Variants in DIXDC1 observed in about 807,000 individuals in gnomAD.
DIXDC1 encodes dixin.
DIXDC1 carries 64 observed loss-of-function variants against 103.1 expected under a neutral mutation model. That is an observed-to-expected ratio of 0.62 (90% CI 0.51 to 0.76). The LOEUF (loss-of-function observed/expected upper bound fraction) is 0.76, where lower values mean the gene tolerates loss of function less well. Ranked by LOEUF, DIXDC1 falls within the 30% of genes least tolerant of loss-of-function variation. DIXDC1 has a pLI of 0.00. For synonymous variants in DIXDC1, 266 were observed against 298.5 expected, an observed-to-expected ratio of 0.89 and a Z score of 1.12; for missense variants, 759 against 834.2, an observed-to-expected ratio of 0.91 and a Z score of 1.11.
rs975148996 is a variant in DIXDC1, at chr11:112,009,640, C to G, written c.1757-7051C>G. The stretch of plus-strand genomic sequence containing the variant: ...TCAAGTCAGCTTCATCCCTGGGATG[C>G]AAGGCTGGTTCAACATACTCAAATC... On this transcript the variant is annotated intron_variant, in intron 17 of 19. Transcript: ENST00000440460. 8.5e-5 allele frequency among the ~76,000 whole-genome samples: 13 copies of G among 152,296 alleles called. No individual in the cohort carries two copies. In the Middle Eastern group the frequency reaches 0.01, roughly 120 times the overall value.
In DIXDC1 at chr11:112,017,498, C is replaced by T. The variant is rs1861630063; in HGVS notation, c.1863-279C>T. On this transcript the variant is annotated intron_variant, in intron 18 of 19. Transcript: ENST00000440460. This position sits in a 1 kb window ranked among gnomAD's most constrained non-coding sequence, Gnocchi z 4.0. ...TATTCAACAAATTTTATTTCAGGGACTTTATATCTTATTTCCAGAGAAAAG... is the reference window on the plus strand; with the variant it reads ...TATTCAACAAATTTTATTTCAGGGATTTTATATCTTATTTCCAGAGAAAAG... 4.4e-6 allele frequency: 1 copy of T among 225,326 alleles called. No individual in the cohort carries two copies. The highest frequency in any genetic ancestry group is 8.8e-6 in the Non-Finnish European group (1 of 114,200). The allele number at this position is 225,326 out of a possible 1,614,324, so 14.0% of individuals were successfully genotyped here.
At chr11:111,989,836 T>C (rs1362349904) in intron 10 of DIXDC1, among the ~76,000 whole-genome samples, 1 of 150,896 alleles carries the variant, frequency 6.6e-6, no homozygotes, top group Non-Finnish European at 1.5e-5. Context: ...TTGCCCAGGC[T>C]GGAGTGCAGT....
chr11:111,958,291 G>A lies in DIXDC1; in HGVS notation c.61-6258G>A, dbSNP rs1295102610. ...GCAGGCAGGAGCCCCAACCCCTCAG[G>A]TATAGCTGCAGCTGCAGCTGCCCAA... On this transcript the variant is annotated intron_variant, in intron 1 of 19. Coordinates refer to ENST00000440460, the MANE Select transcript of DIXDC1 (RefSeq NM_001037954.4). The surrounding 1 kb of genome is among the most constrained non-coding windows in gnomAD (Gnocchi z 4.2). Among the ~76,000 whole-genome samples the A allele has an allele frequency of 6.6e-6, 1 of 151,920 alleles. No individual in the cohort carries two copies. The highest frequency in any genetic ancestry group is 1.5e-5 in the Non-Finnish European group (1 of 67,920).
chr11:111,964,549 C>A lies in DIXDC1; in HGVS notation c.61C>A (p.Gln21Lys), dbSNP rs782586280. The A allele has an allele frequency of 5.1e-5, 82 of 1,596,036 alleles. No homozygotes were observed. The highest frequency in any genetic ancestry group is 6.8e-5 in the Non-Finnish European group (80 of 1,170,828). The change falls in exon 2 of 20, where the codon CAA (glutamine) becomes AAA (lysine). Residue 21 changes from glutamine (Q) to lysine (K), a missense_variant and splice_region_variant. By Grantham distance (53) the Gln-to-Lys change is moderately conservative. Coordinates refer to ENST00000440460, the MANE Select transcript of DIXDC1 (RefSeq NM_001037954.4). ...LDVLQEGFNE[Q>K]QLQAYVAWVN... Reference sequence around the variant, plus strand: ...CTTACTTATATCTTTTATTTTCCAGCAACAGCTGCAGGCCTATGTGGCCTG... The same window carrying A: ...CTTACTTATATCTTTTATTTTCCAGAAACAGCTGCAGGCCTATGTGGCCTG...
rs1254818373 is a variant in DIXDC1, at chr11:111,977,102, G to C, written c.656+2119G>C. On this transcript the variant is annotated intron_variant, in intron 5 of 19. Coordinates refer to ENST00000440460, the MANE Select transcript of DIXDC1 (RefSeq NM_001037954.4). The surrounding 1 kb of genome is among the most constrained non-coding windows in gnomAD (Gnocchi z 6.1). ...GCGGCTCTTCCCCTGCCTATCCTGAGGCTCCCAATCTCCTCTCCTCGCATC... is the reference window on the plus strand; with the variant it reads ...GCGGCTCTTCCCCTGCCTATCCTGACGCTCCCAATCTCCTCTCCTCGCATC... 2 of 230,842 alleles carry C rather than the reference G, an allele frequency of 8.7e-6. No individual in the cohort carries two copies. Among genetic ancestry groups the C allele is most frequent in the Non-Finnish European group, 1.4e-5 (2 of 139,814 alleles). The allele number at this position is 230,842 out of a possible 1,614,324, so 14.3% of individuals were successfully genotyped here. A position where few individuals can be genotyped will look rare whatever the true frequency, so the allele number is the denominator to read the frequency against.
At chr11:111,995,299 G>A (rs1018031006) in intron 15 of DIXDC1, 104 bp from the exon 16 acceptor site, 14 of 1,494,976 alleles carry the variant, frequency 9.4e-6, no homozygotes, top group African/African-American at 4.2e-5. Context: ...GCCTGCTTCT[G>A]TGGGGGAAAA....
At chr11:111,967,687 T>C (rs1555171711) in intron 2 of DIXDC1, among the ~76,000 whole-genome samples, 1 of 152,222 alleles carries the variant, frequency 6.6e-6, no homozygotes, top group African/African-American at 2.4e-5. Context: ...CTGCCTTGGC[T>C]TCCCAAAGTG....
intron 3 of DIXDC1, among the ~76,000 whole-genome samples, chr11:111,970,910 C>T (rs1859900081): frequency 6.6e-6 from 1 of 152,164 alleles, no homozygotes; most frequent in Non-Finnish European, 1.5e-5. Flanking sequence ...GCTGGGATAA[C>T]TGGCCAGCCA....
intron 17 of DIXDC1, among the ~76,000 whole-genome samples, chr11:112,011,674 T>A (rs1224697761): frequency 6.6e-6 from 1 of 151,184 alleles, no homozygotes; most frequent in Non-Finnish European, 1.5e-5. Context: ...GAAACTGGAG[T>A]TCATCATTCT....
chr11:111,962,421 G>T (rs587596851), intron 1 of DIXDC1, among the ~76,000 whole-genome samples: 1 of 152,132 alleles, frequency 6.6e-6, no homozygotes, highest in South Asian at 2.1e-4. Context: ...GGCGGAGGTT[G>T]CAATGAGCTG....
chr11:112,006,353 G>T (rs1861238091), intron 17 of DIXDC1, among the ~76,000 whole-genome samples: 1 of 152,260 alleles, frequency 6.6e-6, no homozygotes, highest in Non-Finnish European at 1.5e-5. Context: ...ACCTCTGGGA[G>T]CAGGGCATAG....
chr11:111,941,837 T>TAC (rs10635444), intron 1 of DIXDC1, among the ~76,000 whole-genome samples: 15,467 of 139,052 alleles, frequency 0.11, 1,286 homozygotes, highest in African/African-American at 0.24. Context: ...CGAAACAAAA[T>TAC]ACACACACAC....
chr11:111,966,859 C>T (rs1378339244), intron 2 of DIXDC1, among the ~76,000 whole-genome samples: 4 of 152,194 alleles, frequency 2.6e-5, no homozygotes, highest in Non-Finnish European at 4.4e-5. Flanking sequence ...CCACTGAAAC[C>T]GCCTTCCTCA....
At chr11:111,967,871 C>T (rs2137518062) in intron 2 of DIXDC1, among the ~76,000 whole-genome samples, 1 of 152,320 alleles carries the variant, frequency 6.6e-6, no homozygotes, top group East Asian at 1.9e-4. Flanking sequence ...CCTGGCATTG[C>T]TTGCCTGTCT....
At chr11:111,941,444 C>G (rs1320800217) in intron 1 of DIXDC1, among the ~76,000 whole-genome samples, 3 of 151,992 alleles carry the variant, frequency 2.0e-5, no homozygotes, top group African/African-American at 7.3e-5. Context: ...GCAGACTTTC[C>G]CTACCAGTTT....
At chr11:111,973,013 C>T (rs1301971634) in intron 3 of DIXDC1, among the ~76,000 whole-genome samples, 1 of 148,402 alleles carries the variant, frequency 6.7e-6, no homozygotes, top group African/African-American at 2.5e-5. Context: ...GAGCCAAGAT[C>T]GTGCCATTGC....
chr11:111,960,406 T>C (rs192589218), intron 1 of DIXDC1, among the ~76,000 whole-genome samples: 3 of 150,566 alleles, frequency 2.0e-5, no homozygotes, highest in East Asian at 4.1e-4. Flanking sequence ...CCAGCCTGGC[T>C]AACATGGTGA....
rs782191853 is a variant in DIXDC1, at chr11:111,989,058, A to T, written c.1113+3A>T. On this transcript the variant is annotated splice_donor_region_variant and intron_variant, in intron 10 of 19. Coordinates refer to ENST00000440460, the MANE Select transcript of DIXDC1 (RefSeq NM_001037954.4). ...CCAGAAACTTACAGGGGATAAAGGT[A>T]AAAAAGAAGACATTTAATTCTTTAA... 6.2e-7 allele frequency: 1 copy of T among 1,601,284 alleles called. No individual in the cohort carries two copies. The highest frequency in any genetic ancestry group is 1.1e-5 in the South Asian group (1 of 88,374).
rs587698013 is a variant in DIXDC1 at position 112,014,308 on chromosome 11, C to G, written c.1757-2383C>G. Among the ~76,000 whole-genome samples, 7 of 152,352 alleles carry G rather than the reference C, an allele frequency of 4.6e-5. No homozygotes were observed. In the South Asian group the frequency reaches 1.4e-3, roughly 32 times the overall value. On this transcript the variant is annotated intron_variant, in intron 17 of 19. Coordinates refer to ENST00000440460, the MANE Select transcript of DIXDC1 (RefSeq NM_001037954.4). ...TAGCTTAAGACTAACATCTTGAACTCTTACCCTGTCAGAGTCTTTTGTGAT... is the reference window on the plus strand; with the variant it reads ...TAGCTTAAGACTAACATCTTGAACTGTTACCCTGTCAGAGTCTTTTGTGAT...
Sources: gnomAD v4.1 joint callset for allele counts (sites outside exome capture counted in the v4.1 genomes callset) on GRCh38, gnomAD v4.1.1 for gene constraint, Gnocchi (gnomAD v3.1) non-coding constraint, MANE v1.5 for transcripts, NCBI Gene and HGNC (gene_info 2026-07-23, HGNC 2026-07-21) for gene names.